The following KAZN variants were observed in gnomAD, a reference collection of about 807,000 sequenced individuals.
KAZN encodes kazrin, periplakin interacting protein, also known as kazrin.
Under a neutral mutation model 87.4 loss-of-function variants are expected in KAZN, and 40 were observed. That is an observed-to-expected ratio of 0.46 (90% CI 0.36 to 0.60). KAZN has a LOEUF of 0.60. KAZN is among the 20% of genes least tolerant of loss of function. The pLI is 0.00. For missense variants in KAZN, 898 were observed against 1,073.9 expected (o/e 0.84, Z 2.29); for synonymous variants, 466 against 458.3 (o/e 1.02, Z -0.22).
In KAZN at chr1:14,363,283, T is replaced by C. The variant is rs376880607; in HGVS notation, c.249+182691T>C. Among the ~76,000 whole-genome samples, 13 of 152,332 alleles carry C rather than the reference T, an allele frequency of 8.5e-5. No individual in the cohort carries two copies. The East Asian group carries it at 9.7e-4, about 11-fold the overall frequency. On this transcript the variant is annotated intron_variant, in intron 2 of 16. Transcript: ENST00000636203. ...AATCATCTGCAAAATGTCAAGATGA[T>C]GTTTAAACATCTCCGTCTCCCACCT...
intron 2 of KAZN, among the ~76,000 whole-genome samples, chr1:14,420,947 C>T (rs1265144197): frequency 6.9e-6 from 1 of 144,780 alleles, no homozygotes; most frequent in Non-Finnish European, 1.6e-5. Flanking sequence ...GAGCCAGCTC[C>T]GGCCTCCGCC....
chr1:14,725,273 C>T (rs186556665), intron 1 of KAZN, among the ~76,000 whole-genome samples: 275 of 152,300 alleles, frequency 1.8e-3, no homozygotes, highest in African/African-American at 6.2e-3. Flanking sequence ...CTCTTCATTG[C>T]GTCAATGCAG....
At chr1:15,048,264 AT>A (rs1673802485) in intron 4 of KAZN, among the ~76,000 whole-genome samples, 1 of 152,182 alleles carries the variant, frequency 6.6e-6, no homozygotes, top group African/African-American at 2.4e-5. Context: ...AAAGCCCTCT[AT>A]TGGCATTTAG....
intron 1 of KAZN, among the ~76,000 whole-genome samples, chr1:14,068,693 A>G (rs1053458991): frequency 6.6e-6 from 1 of 152,088 alleles, no homozygotes; most frequent in Non-Finnish European, 1.5e-5. Context: ...CCTGTTATAA[A>G]TGCAGTTGTC....
chr1:13,912,707 G>A (rs1050650182), intron 1 of KAZN, among the ~76,000 whole-genome samples: 4 of 152,204 alleles, frequency 2.6e-5, no homozygotes, highest in South Asian at 2.1e-4. Flanking sequence ...AGGTTCAAGC[G>A]ATTCTCCCAC....
intron 2 of KAZN, among the ~76,000 whole-genome samples, chr1:14,383,437 T>TTA (rs1661555894): frequency 6.6e-6 from 1 of 152,082 alleles, no homozygotes. Flanking sequence ...TCTAGGGTTT[T>TTA]TATGGTTTTA....
At chr1:14,166,131 G>A (rs10803471) in intron 1 of KAZN, among the ~76,000 whole-genome samples, 22,099 of 152,066 alleles carry the variant, frequency 0.15, 1,792 homozygotes, top group East Asian at 0.33. Flanking sequence ...CCTGGCCAAC[G>A]TGGCAAAACC....
intron 2 of KAZN, among the ~76,000 whole-genome samples, chr1:14,287,776 T>G (rs1236160596): frequency 2.0e-5 from 3 of 152,238 alleles, no homozygotes; most frequent in Non-Finnish European, 4.4e-5. Flanking sequence ...AAGGGAATGC[T>G]TCTAGCTTTT....
chr1:14,222,850 T>C (rs1405791703), intron 2 of KAZN, among the ~76,000 whole-genome samples: 1 of 152,196 alleles, frequency 6.6e-6, no homozygotes, highest in Admixed American at 6.5e-5. Context: ...GATGAATAGG[T>C]ATCTCAGGAT....
chr1:14,887,552 C>A (rs1349771054), intron 1 of KAZN, among the ~76,000 whole-genome samples: 1 of 152,114 alleles, frequency 6.6e-6, no homozygotes, highest in Non-Finnish European at 1.5e-5. Flanking sequence ...ATAATTATTT[C>A]AGTTAAACAT....
At chr1:14,630,183 G>T (rs1336965986) in intron 1 of KAZN, among the ~76,000 whole-genome samples, 1 of 152,120 alleles carries the variant, frequency 6.6e-6, no homozygotes, top group Non-Finnish European at 1.5e-5. Context: ...ATAAATGCAG[G>T]CATGCTAAAA....
intron 4 of KAZN, among the ~76,000 whole-genome samples, chr1:15,054,860 C>T (rs1032833181): frequency 2.0e-5 from 3 of 152,272 alleles, no homozygotes; most frequent in African/African-American, 7.2e-5. Context: ...CCGGCCCCAG[C>T]TCAGCCTCAC....
At chr1:14,746,641 T>C (rs756725439) in intron 1 of KAZN, among the ~76,000 whole-genome samples, 14 of 151,620 alleles carry the variant, frequency 9.2e-5, no homozygotes, top group Non-Finnish European at 1.8e-4. Flanking sequence ...GTTGGGGAGC[T>C]GGGGTCAGGG....
At chr1:14,012,932 A>G (rs1175152329) in intron 1 of KAZN, among the ~76,000 whole-genome samples, 1 of 152,220 alleles carries the variant, frequency 6.6e-6, no homozygotes, top group East Asian at 1.9e-4. Flanking sequence ...AGGATAGTAA[A>G]AGGGGAATTT....
chr1:14,301,460 A>G (rs1354746384), intron 2 of KAZN, among the ~76,000 whole-genome samples: 1 of 152,192 alleles, frequency 6.6e-6, no homozygotes, highest in African/African-American at 2.4e-5. Context: ...AAGGCAAGCC[A>G]CCGGGGTAGT....
chr1:14,656,764 C>T (rs944380372), intron 1 of KAZN, among the ~76,000 whole-genome samples: 1 of 152,216 alleles, frequency 6.6e-6, no homozygotes. Flanking sequence ...ATCACGAGAA[C>T]AGCAAGGGGG....
intron 2 of KAZN, among the ~76,000 whole-genome samples, chr1:14,568,837 A>G (rs540072649): frequency 6.6e-6 from 1 of 152,304 alleles, no homozygotes; most frequent in African/African-American, 2.4e-5. Flanking sequence ...TGGCAGTAGA[A>G]ACTACGACGG....
chr1:14,718,870 C>A (rs1642946693), intron 1 of KAZN, among the ~76,000 whole-genome samples: 1 of 152,154 alleles, frequency 6.6e-6, no homozygotes, highest in African/African-American at 2.4e-5. Context: ...CAAGAACCAC[C>A]CCACTCCGCC....
intron 1 of KAZN, among the ~76,000 whole-genome samples, chr1:13,971,130 G>C (rs1280456806): frequency 6.6e-6 from 1 of 152,138 alleles, no homozygotes; most frequent in African/African-American, 2.4e-5. Flanking sequence ...GGTGGCCTTG[G>C]CTGGAAGGAC....
Sources: gnomAD v4.1 joint callset for allele counts (sites outside exome capture counted in the v4.1 genomes callset) on GRCh38, gnomAD v4.1.1 for gene constraint, MANE v1.5 for transcripts, NCBI Gene and HGNC (gene_info 2026-07-23, HGNC 2026-07-21) for gene names.